The following TTC29 variants were observed in gnomAD, a reference collection of about 807,000 sequenced individuals.
TTC29 encodes the protein tetratricopeptide repeat protein 29.
A neutral mutation model predicts 58.1 loss-of-function variants in TTC29; 49 were observed. The observed-to-expected ratio is 0.84, with a 90% CI of 0.67 to 1.07. The LOEUF is 1.07. Among genes scored for constraint, TTC29 ranks in the 50% least tolerant of loss-of-function variants. The pLI is 0.00. For synonymous variants in TTC29, 209 were observed against 196.8 expected (o/e 1.06, Z -0.52); for missense variants, 582 against 555.6 (o/e 1.05, Z -0.48).
chr4:146,877,033 AG>A (rs1471053167), intron 6 of TTC29, among the ~76,000 whole-genome samples: 1 of 152,056 alleles, frequency 6.6e-6, no homozygotes, highest in Non-Finnish European at 1.5e-5. Context: ...TACATACAGA[AG>A]GGGCAATGTG....
At chr4:146,934,006 G>T (rs34431124) in intron 4 of TTC29, 34,663 of 152,232 alleles carry the variant, frequency 0.23, 4,214 homozygotes, top group Admixed American at 0.3. Flanking sequence ...GGCCACATTG[G>T]GAGTAGAGAG....
At chr4:146,780,872 C>A (rs965865660) in intron 11 of TTC29, among the ~76,000 whole-genome samples, 2 of 151,996 alleles carry the variant, frequency 1.3e-5, no homozygotes, top group Non-Finnish European at 2.9e-5. Flanking sequence ...GATAGCTTCT[C>A]TTGTTTCCTT....
intron 11 of TTC29, among the ~76,000 whole-genome samples, chr4:146,801,760 C>T (rs190230910): frequency 9.2e-5 from 14 of 151,722 alleles, no homozygotes; most frequent in South Asian, 2.1e-4. Flanking sequence ...GTAGATCATG[C>T]GATCAGGAGA....
chr4:146,913,196 T>C lies in TTC29; in HGVS notation c.177-3947A>G, dbSNP rs184780079. Among the ~76,000 whole-genome samples the C allele has an allele frequency of 4.9e-3, 738 of 151,558 alleles. 3 individuals are homozygous for C. The highest frequency in any genetic ancestry group is 0.016 in the African/African-American group (674 of 41,294). ...GGCGGCCAGCCGATCTTCCTAGGAG[T>C]GAAGAAAACATTTGGGGGCCAAAAT... On this transcript the variant is annotated intron_variant, in intron 4 of 12. Transcript: ENST00000325106.
chr4:146,728,807 A>G lies in TTC29; in HGVS notation c.1331-21256T>C, dbSNP rs892311196. On this transcript the variant is annotated intron_variant, in intron 11 of 12. Coordinates refer to ENST00000325106, the MANE Select transcript of TTC29 (RefSeq NM_031956.4). ...TGTGTATATATACGTATATATACAC[A>G]TATATATGTGTATATATACATATAT... Among the ~76,000 whole-genome samples, 243 of 129,010 alleles carry G rather than the reference A, an allele frequency of 1.9e-3. 19 individuals carry two copies. In the Middle Eastern group the frequency reaches 0.02, roughly 10 times the overall value. The allele number at this position is 129,010 out of a possible 152,430, so 84.6% of individuals were successfully genotyped here.
At chr4:146,781,854 G>A (rs987188119) in intron 11 of TTC29, among the ~76,000 whole-genome samples, 2 of 151,820 alleles carry the variant, frequency 1.3e-5, no homozygotes, top group African/African-American at 2.4e-5. Context: ...ATTTTTATGC[G>A]TGCATGGAGT....
intron 4 of TTC29, among the ~76,000 whole-genome samples, chr4:146,911,041 C>T (rs1490435609): frequency 6.6e-6 from 1 of 152,090 alleles, no homozygotes; most frequent in Admixed American, 6.5e-5. Context: ...GTAGAAAACA[C>T]TCATATCCTG....
chr4:146,877,050 C>T (rs1422607112), intron 6 of TTC29, among the ~76,000 whole-genome samples: 3 of 151,764 alleles, frequency 2.0e-5, no homozygotes, highest in African/African-American at 7.3e-5. Flanking sequence ...ATGTGTACTG[C>T]AGACTTGTTT....
intron 4 of TTC29, among the ~76,000 whole-genome samples, chr4:146,915,668 T>C (rs1289297627): frequency 6.6e-6 from 1 of 152,094 alleles, no homozygotes; most frequent in African/African-American, 2.4e-5. Flanking sequence ...ATCTAACAAG[T>C]AATATAAAAC....
chr4:146,807,195 A>T (rs986280729), intron 10 of TTC29, among the ~76,000 whole-genome samples: 3 of 152,246 alleles, frequency 2.0e-5, no homozygotes, highest in African/African-American at 7.2e-5. Context: ...ACCAATGAGA[A>T]CAAAGACACA....
At chr4:146,885,556 G>T (rs1212318653) in intron 6 of TTC29, among the ~76,000 whole-genome samples, 1 of 151,868 alleles carries the variant, frequency 6.6e-6, no homozygotes, top group Admixed American at 6.6e-5. Flanking sequence ...TTTTTGGGGG[G>T]ATATACACTT....
intron 11 of TTC29, among the ~76,000 whole-genome samples, chr4:146,727,082 TA>T (rs1386475929): frequency 6.6e-6 from 1 of 150,790 alleles, no homozygotes; most frequent in Non-Finnish European, 1.5e-5. Flanking sequence ...TATATATTTA[TA>T]TAAAATATAT....
At chr4:146,714,731 A>T (rs1438952990) in intron 11 of TTC29, among the ~76,000 whole-genome samples, 1 of 152,200 alleles carries the variant, frequency 6.6e-6, no homozygotes, top group African/African-American at 2.4e-5. Context: ...TTTGCACTAC[A>T]AGTCCTCAAG....
At chr4:146,769,358 G>C (rs1747552281) in intron 11 of TTC29, among the ~76,000 whole-genome samples, 1 of 151,800 alleles carries the variant, frequency 6.6e-6, no homozygotes, top group Non-Finnish European at 1.5e-5. Context: ...ATATTTTCCT[G>C]ATTTCTAGAA....
intron 4 of TTC29, among the ~76,000 whole-genome samples, chr4:146,924,756 G>A (rs2150309480): frequency 6.6e-6 from 1 of 151,552 alleles, no homozygotes; most frequent in Middle Eastern, 3.4e-3. Flanking sequence ...CTAACTTTGA[G>A]TTTAATTTGC....
chr4:146,785,816 T>TAAC (rs898307376), intron 11 of TTC29, among the ~76,000 whole-genome samples: 4 of 152,092 alleles, frequency 2.6e-5, no homozygotes, highest in Admixed American at 1.3e-4. Context: ...AAAATGATGT[T>TAAC]AACAGTTTTG....
chr4:146,875,110 G>C (rs1348009232), intron 6 of TTC29, among the ~76,000 whole-genome samples, 182 bp from the exon 7 acceptor site: 1 of 152,158 alleles, frequency 6.6e-6, no homozygotes. Flanking sequence ...CTCAGTTTCA[G>C]CGTGAATTTT....
At chr4:146,872,573 G>T (rs1010354537) in intron 7 of TTC29, among the ~76,000 whole-genome samples, 2 of 151,820 alleles carry the variant, frequency 1.3e-5, no homozygotes, top group Non-Finnish European at 2.9e-5. Flanking sequence ...ACTGGGCAAA[G>T]AATCTGAATA....
At chr4:146,912,042 T>C (rs770809980) in intron 4 of TTC29, among the ~76,000 whole-genome samples, 13 of 152,134 alleles carry the variant, frequency 8.5e-5, no homozygotes, top group Admixed American at 2.0e-4. Context: ...CTGGGCCACA[T>C]TGGAAGAAGA....
Sources: allele counts gnomAD v4.1 joint callset (sites outside exome capture counted in the v4.1 genomes callset), GRCh38; gene constraint gnomAD v4.1.1; transcripts MANE v1.5; gene names NCBI Gene and HGNC (gene_info 2026-07-23, HGNC 2026-07-21).